Variants in ATF7IP2 observed in about 807,000 individuals in gnomAD.
ATF7IP2 encodes activating transcription factor 7-interacting protein 2.
Under a neutral mutation model 64.2 loss-of-function variants are expected in ATF7IP2, and 42 were observed. The ratio of observed to expected loss-of-function variants is 0.65; its 90% CI spans 0.51 to 0.85. ATF7IP2 has a LOEUF of 0.85. Ranked by LOEUF, ATF7IP2 falls within the 40% of genes least tolerant of loss-of-function variation. ATF7IP2 has a pLI of 0.00. For missense variants in ATF7IP2, 933 were observed against 784.2 expected, an observed-to-expected ratio of 1.19 and a Z score of -2.27; for synonymous variants, 308 against 272.8, an observed-to-expected ratio of 1.13 and a Z score of -1.27.
intron 6 of ATF7IP2, among the ~76,000 whole-genome samples, chr16:10,436,411 AT>A (rs1416713376): frequency 6.6e-6 from 1 of 151,942 alleles, no homozygotes; most frequent in Non-Finnish European, 1.5e-5. Context: ...TAAATAATAC[AT>A]TTTGAGCACA....
chr16:10,453,809 G>A (rs1435915899), intron 8 of ATF7IP2, among the ~76,000 whole-genome samples: 2 of 151,870 alleles, frequency 1.3e-5, no homozygotes, highest in Admixed American at 6.6e-5. Context: ...TAGAGACAGG[G>A]TTTCTCCATG....
chr16:10,471,079 T>C (rs2142066141), intron 9 of ATF7IP2, among the ~76,000 whole-genome samples: 1 of 152,210 alleles, frequency 6.6e-6, no homozygotes, highest in Admixed American at 6.5e-5. Context: ...GGTACCGATG[T>C]AGTTTAACAG....
chr16:10,451,181 G>A (rs954295175), intron 8 of ATF7IP2, among the ~76,000 whole-genome samples: 10 of 152,194 alleles, frequency 6.6e-5, no homozygotes, highest in African/African-American at 2.4e-4. Flanking sequence ...TGCAGAGAGA[G>A]CTGCTGTTAG....
intron 2 of ATF7IP2, among the ~76,000 whole-genome samples, chr16:10,417,792 A>G (rs976464440): frequency 1.3e-5 from 2 of 152,222 alleles, no homozygotes; most frequent in Non-Finnish European, 2.9e-5. Flanking sequence ...AAATGACAGT[A>G]ATCAAGATAA....
chr16:10,446,455 C>A (rs564282799), intron 8 of ATF7IP2: 1 of 152,260 alleles, frequency 6.6e-6, no homozygotes, highest in South Asian at 2.1e-4. Context: ...TTGTTCCCTC[C>A]AGTCTTTAGG....
In ATF7IP2 at chr16:10,482,998, G is replaced by A. The variant is rs1472162926; in HGVS notation, c.*749G>A. 6.6e-6 allele frequency: 1 copy of A among 152,234 alleles called. No individual in the cohort carries two copies. The highest frequency in any genetic ancestry group is 1.5e-5 in the Non-Finnish European group (1 of 68,056). The allele number at this position is 152,234 out of a possible 1,614,324, so 9.4% of individuals were successfully genotyped here. Reference sequence around the variant, plus strand: ...CGAAGTGCTGGGATTATAGGCGTAAGCCACCATGCCTGGCCAAAAATTAAA... The same window carrying A: ...CGAAGTGCTGGGATTATAGGCGTAAACCACCATGCCTGGCCAAAAATTAAA... On this transcript the variant is annotated 3_prime_UTR_variant, in exon 14 of 14. Transcript: ENST00000562102.
chr16:10,440,444 C>T lies in ATF7IP2; in HGVS notation c.1176C>T (p.Ser392=). 2.6e-6 allele frequency: 4 copies of T among 1,541,546 alleles called. No individual in the cohort carries two copies. The highest frequency in any genetic ancestry group is 2.4e-5 in the East Asian group (1 of 42,536). ...QRNCLKPNML[S]SNGASKVANS... ...ATTGTTTGAAACCAAACATGTTATC[C>T]AGTAATGGAGCCTCTAAGGTTTGTA... The change falls in exon 8 of 14, where the codon TCC becomes TCT. Residue 392 remains serine, a synonymous_variant. Transcript: ENST00000562102.
At chr16:10,452,135 C>A (rs1470373557) in intron 8 of ATF7IP2, among the ~76,000 whole-genome samples, 1 of 152,190 alleles carries the variant, frequency 6.6e-6, no homozygotes, top group Non-Finnish European at 1.5e-5. Flanking sequence ...TTGTCACCCT[C>A]ATTCTCCGTC....
At chr16:10,408,836 T>C (rs2047694119) in intron 1 of ATF7IP2, among the ~76,000 whole-genome samples, 1 of 152,244 alleles carries the variant, frequency 6.6e-6, no homozygotes, top group African/African-American at 2.4e-5. Flanking sequence ...AGAAGCTCTT[T>C]AGTTTAATTA....
chr16:10,416,481 G>A (rs1384232873), intron 2 of ATF7IP2, among the ~76,000 whole-genome samples: 1 of 152,046 alleles, frequency 6.6e-6, no homozygotes, highest in Non-Finnish European at 1.5e-5. Context: ...AGGTGGGGGT[G>A]GTTAATGGGT....
chr16:10,431,274 T>G lies in ATF7IP2; in HGVS notation c.654T>G (p.Ile218Met), dbSNP rs753484477. Residue 218 changes from isoleucine to methionine, a missense_variant, in exon 5 of 14, where the codon ATT (isoleucine) becomes ATG (methionine). Transcript: ENST00000562102. ...ESHDKRQSDNILCSEDSGFVP... is the reference protein window; with the variant it reads ...ESHDKRQSDNMLCSEDSGFVP... ...ATGATAAAAGGCAAAGTGACAACATTTTATGTTCAGAAGACTCAGGTTTTG... is the reference window on the plus strand; with the variant it reads ...ATGATAAAAGGCAAAGTGACAACATGTTATGTTCAGAAGACTCAGGTTTTG... 1 of 1,614,160 alleles carries G rather than the reference T, an allele frequency of 6.2e-7. No individual in the cohort carries two copies. Among genetic ancestry groups the G allele is most frequent in the East Asian group, 2.2e-5 (1 of 44,880 alleles).
chr16:10,472,845 G>C (rs1486680857), intron 10 of ATF7IP2, among the ~76,000 whole-genome samples: 2 of 130,774 alleles, frequency 1.5e-5, no homozygotes, highest in East Asian at 4.5e-4. Context: ...AAAACAGCAA[G>C]ACTCCGTCTC....
At chr16:10,418,337 A>G (rs2047920041) in intron 2 of ATF7IP2, among the ~76,000 whole-genome samples, 1 of 152,218 alleles carries the variant, frequency 6.6e-6, no homozygotes, top group Admixed American at 6.5e-5. Flanking sequence ...TATCACAAGC[A>G]TGTCACACTG....
At chr16:10,415,143 G>A (rs2047846034) in intron 2 of ATF7IP2, among the ~76,000 whole-genome samples, 1 of 152,092 alleles carries the variant, frequency 6.6e-6, no homozygotes, top group Non-Finnish European at 1.5e-5. Flanking sequence ...AATTAATATG[G>A]AACCACAGAA....
At chr16:10,409,942 T>C (rs938946713) in intron 1 of ATF7IP2, among the ~76,000 whole-genome samples, 3 of 152,260 alleles carry the variant, frequency 2.0e-5, no homozygotes, top group African/African-American at 7.2e-5. Context: ...TGTGCCTATT[T>C]TTATACCAGT....
At chr16:10,457,350 T>A in intron 8 of ATF7IP2, 22 bp from the exon 9 acceptor site, 1 of 1,579,382 alleles carries the variant, frequency 6.3e-7, no homozygotes, top group East Asian at 2.3e-5. Context: ...CTTCAACTGC[T>A]TTTTTCTCAC....
intron 3 of ATF7IP2, among the ~76,000 whole-genome samples, chr16:10,426,343 G>A (rs925260177): frequency 6.6e-6 from 1 of 152,158 alleles, no homozygotes; most frequent in Non-Finnish European, 1.5e-5. Flanking sequence ...TTCACTGAAC[G>A]GGTTCTATGA....
intron 10 of ATF7IP2, 35 bp downstream of exon 10, chr16:10,472,218 G>A (rs777811901): frequency 1.8e-6 from 2 of 1,084,338 alleles, no homozygotes; most frequent in Non-Finnish European, 2.6e-6. Context: ...GATCTATCAA[G>A]TTAGAAGGCC....
chr16:10,476,745 G>A (rs2050024680), intron 12 of ATF7IP2, among the ~76,000 whole-genome samples: 2 of 152,124 alleles, frequency 1.3e-5, no homozygotes, highest in Non-Finnish European at 2.9e-5. Context: ...TTTTAAGTGA[G>A]AACATGTGGT....
Sources: gnomAD v4.1 joint callset for allele counts (sites outside exome capture counted in the v4.1 genomes callset) on GRCh38, gnomAD v4.1.1 for gene constraint, MANE v1.5 for transcripts, NCBI Gene and HGNC (gene_info 2026-07-23, HGNC 2026-07-21) for gene names.